DIAPH3: variants seen among roughly 807,000 people sequenced by gnomAD.
DIAPH3 encodes the protein protein diaphanous homolog 3.
Under a neutral mutation model 144.3 loss-of-function variants are expected in DIAPH3, and 117 were observed. The ratio of observed to expected loss-of-function variants is 0.81; its 90% confidence interval spans 0.70 to 0.95. The LOEUF (loss-of-function observed/expected upper bound fraction) is 0.95, where lower values mean the gene tolerates loss of function less well. DIAPH3 is among the 40% of genes least tolerant of loss of function. DIAPH3 has a pLI of 0.00. For synonymous variants in DIAPH3, 519 were observed against 488.9 expected (o/e 1.06, Z -0.81); for missense variants, 1,421 against 1,412.7 (o/e 1.01, Z -0.09).
chr13:59,827,120 G>A (rs2139679982), intron 24 of DIAPH3, among the ~76,000 whole-genome samples: 1 of 152,182 alleles, frequency 6.6e-6, no homozygotes, highest in South Asian at 2.1e-4. Flanking sequence ...ACATAGGCAT[G>A]GGCAAGGACT....
intron 20 of DIAPH3, among the ~76,000 whole-genome samples, chr13:59,900,885 G>A (rs2046392646): frequency 6.6e-6 from 1 of 151,996 alleles, no homozygotes; most frequent in Admixed American, 6.6e-5. Flanking sequence ...TCTATAAATG[G>A]GAACTCTTAT....
intron 7 of DIAPH3, among the ~76,000 whole-genome samples, chr13:60,012,564 A>G (rs1449797248): frequency 6.6e-6 from 1 of 152,236 alleles, no homozygotes; most frequent in Non-Finnish European, 1.5e-5. Context: ...CAAGTACACA[A>G]GAGCTGGCTC....
intron 18 of DIAPH3, among the ~76,000 whole-genome samples, chr13:59,917,717 C>T (rs1038727351): frequency 2.0e-5 from 3 of 151,298 alleles, no homozygotes; most frequent in Admixed American, 2.0e-4. Context: ...GGGGAAACTC[C>T]ACCTCTACTA....
intron 13 of DIAPH3, 36 bp downstream of exon 13, chr13:59,983,733 C>A: frequency 5.8e-6 from 8 of 1,376,902 alleles, no homozygotes; most frequent in Non-Finnish European, 8.3e-6. Context: ...GAATAAGAGA[C>A]AATAAGATAT....
intron 25 of DIAPH3, among the ~76,000 whole-genome samples, chr13:59,775,537 C>T (rs1023798241): frequency 1.3e-5 from 2 of 152,284 alleles, no homozygotes; most frequent in South Asian, 2.1e-4. Context: ...CCACTGCACA[C>T]GGCCCGGGAG....
Position 60,112,123 on chromosome 13 carries a change from G to C in DIAPH3, c.277C>G (p.Leu93Val). ...TCACTGCTTGCAAATGCAGTCTTCAGGTTGGGAAGTGGAGGTCTCTCTTTC... is the reference window on the plus strand; with the variant it reads ...TCACTGCTTGCAAATGCAGTCTTCACGTTGGGAAGTGGAGGTCTCTCTTTC... Reference protein sequence around the residue: ...SKKERPPLPNLKTAFASSDCS... With the variant: ...SKKERPPLPNVKTAFASSDCS... The change falls in exon 3 of 28, where the codon CTG becomes GTG. Residue 93 changes from leucine to valine, a missense_variant. Physicochemically the swap from Leu to Val is conservative, Grantham distance 32. Coordinates refer to ENST00000400324, the MANE Select transcript of DIAPH3 (RefSeq NM_001042517.2). 6.2e-7 allele frequency: 1 copy of C among 1,614,096 alleles called. No individual in the cohort carries two copies. The highest frequency in any genetic ancestry group is 8.5e-7 in the Non-Finnish European group (1 of 1,180,022).
At chr13:59,686,769 T>C (rs2033238068) in intron 27 of DIAPH3, among the ~76,000 whole-genome samples, 1 of 152,004 alleles carries the variant, frequency 6.6e-6, no homozygotes, top group African/African-American at 2.4e-5. Flanking sequence ...GGTAAGAACA[T>C]TCTAAAGCAG....
intron 19 of DIAPH3, among the ~76,000 whole-genome samples, chr13:59,915,190 T>C (rs1199904329): frequency 6.6e-6 from 1 of 151,866 alleles, no homozygotes; most frequent in Non-Finnish European, 1.5e-5. Flanking sequence ...TGAACGAAGA[T>C]GAAAATCCAG....
At chr13:60,160,226 A>AC (rs1367879699) in intron 1 of DIAPH3, among the ~76,000 whole-genome samples, 2 of 152,226 alleles carry the variant, frequency 1.3e-5, no homozygotes, top group Non-Finnish European at 2.9e-5. Context: ...TCCGTCTCAA[A>AC]AAAAGAAAAA....
chr13:59,838,334 A>G (rs1208584153), intron 23 of DIAPH3: 2 of 152,168 alleles, frequency 1.3e-5, no homozygotes, highest in African/African-American at 2.4e-5. Flanking sequence ...TAGTGATAAT[A>G]AAGATAATTG....
chr13:59,744,936 G>A (rs1189333097), intron 27 of DIAPH3, among the ~76,000 whole-genome samples: 1 of 152,124 alleles, frequency 6.6e-6, no homozygotes, highest in Non-Finnish European at 1.5e-5. Flanking sequence ...GAACACTCAG[G>A]GAGAGAATGC....
chr13:60,074,576 C>T (rs2057315985), intron 4 of DIAPH3, among the ~76,000 whole-genome samples: 1 of 152,134 alleles, frequency 6.6e-6, no homozygotes, highest in African/African-American at 2.4e-5. Context: ...TTTTTAAGTA[C>T]ACAAGGAAAT....
At chr13:59,786,513 G>A (rs1202187347) in intron 25 of DIAPH3, among the ~76,000 whole-genome samples, 4 of 151,596 alleles carry the variant, frequency 2.6e-5, no homozygotes, top group Non-Finnish European at 4.4e-5. Context: ...AAATAATTCC[G>A]GATAAAAAAG....
At chr13:59,938,229 T>C (rs765642748) in intron 17 of DIAPH3, among the ~76,000 whole-genome samples, 3 of 152,176 alleles carry the variant, frequency 2.0e-5, no homozygotes, top group Non-Finnish European at 2.9e-5. Context: ...GAATTTGGAA[T>C]TTTTATTAAT....
At chr13:59,684,358 T>C (rs1338428000) in intron 27 of DIAPH3, among the ~76,000 whole-genome samples, 1 of 152,236 alleles carries the variant, frequency 6.6e-6, no homozygotes, top group East Asian at 1.9e-4. Flanking sequence ...ATCTGGTTAG[T>C]TGCAAACGGT....
At chr13:59,902,285 A>G (rs1388142997) in intron 20 of DIAPH3, among the ~76,000 whole-genome samples, 1 of 152,000 alleles carries the variant, frequency 6.6e-6, no homozygotes, top group Non-Finnish European at 1.5e-5. Flanking sequence ...TCTTGTGATA[A>G]GAGTTCTCAG....
chr13:59,807,069 A>T (rs932057759), intron 25 of DIAPH3, among the ~76,000 whole-genome samples: 1 of 151,920 alleles, frequency 6.6e-6, no homozygotes, highest in Non-Finnish European at 1.5e-5. Context: ...TTTTTTTAAA[A>T]ATGAAAAAAG....
chr13:59,667,337 G>C (rs1437488358), intron 27 of DIAPH3, among the ~76,000 whole-genome samples: 3 of 152,192 alleles, frequency 2.0e-5, no homozygotes, highest in Admixed American at 6.5e-5. Flanking sequence ...CAAGACAGTA[G>C]GGACATTATT....
chr13:60,010,904 G>A (rs2053206143), intron 7 of DIAPH3, among the ~76,000 whole-genome samples: 1 of 151,956 alleles, frequency 6.6e-6, no homozygotes, highest in African/African-American at 2.4e-5. Flanking sequence ...TCGGGAGTTT[G>A]AGACCAGCCT....
Sources: allele counts gnomAD v4.1 joint callset (sites outside exome capture counted in the v4.1 genomes callset), GRCh38; gene constraint gnomAD v4.1.1; transcripts MANE v1.5; gene names NCBI Gene and HGNC (gene_info 2026-07-23, HGNC 2026-07-21).